TRPM7: variants seen among roughly 807,000 people sequenced by gnomAD.
TRPM7 encodes the protein transient receptor potential cation channel subfamily M member 7.
Under a neutral mutation model 229.7 loss-of-function variants are expected in TRPM7, and 134 were observed. That is an observed-to-expected ratio of 0.58 (90% CI 0.51 to 0.67). TRPM7 has a LOEUF of 0.67. Ranked by LOEUF, TRPM7 falls within the 30% of genes least tolerant of loss-of-function variation. The pLI is 0.00. For missense variants in TRPM7, 1,901 were observed against 2,210.0 expected (o/e 0.86, Z 2.80); for synonymous variants, 699 against 715.2 (o/e 0.98, Z 0.36).
In TRPM7 at chr15:50,678,515, AAAATAT is replaced by A. The variant is rs76886952; in HGVS notation, c.3+8010_3+8015del. Among the ~76,000 whole-genome samples, 412 of 82,772 alleles carry A rather than the reference AAAATAT, an allele frequency of 5.0e-3. 2 individuals are homozygous for A. The highest frequency in any genetic ancestry group is 0.016 in the African/African-American group (383 of 24,456). The allele number at this position is 82,772 out of a possible 152,430, so 54.3% of individuals were successfully genotyped here. A position where few individuals can be genotyped will look rare whatever the true frequency, so the allele number is the denominator to read the frequency against. ...CTCTAGTTCCATTCTTTAAAAAAAA[AAAATAT>A]ATATATATATATATATATATACACA... On this transcript the variant is annotated intron_variant, in intron 1 of 38. Coordinates refer to ENST00000646667, the MANE Select transcript of TRPM7 (RefSeq NM_017672.6).
At position 50,594,506 on chromosome 15, in the gene TRPM7, A is replaced by G. The variant is rs188264485; in HGVS notation, c.3398T>C (p.Ile1133Thr). ...HEKPVLPPPL[I>T]ILSHIVSLFC... is the part of the protein sequence containing the mutation. ...CAGAGAAACTATATGGCTAAGAATG[A>G]TAAGTGGAGGAGGCAGAACTGGTTT... Residue 1133 changes from isoleucine (I) to threonine (T), a missense_variant, in exon 24 of 39, where the codon ATC (isoleucine) becomes ACC (threonine). Physicochemically the swap from Ile to Thr is moderately conservative, Grantham distance 89. Coordinates refer to ENST00000646667, the MANE Select transcript of TRPM7 (RefSeq NM_017672.6). 4 of 1,613,420 alleles carry G rather than the reference A, an allele frequency of 2.5e-6. No individual in the cohort carries two copies. Among genetic ancestry groups the G allele is most frequent in the South Asian group, 1.1e-5 (1 of 91,042 alleles).
At chr15:50,592,697 A>G (rs1280897988) in intron 25 of TRPM7, 71 bp from the exon 26 acceptor site, 80 of 1,090,942 alleles carry the variant, frequency 7.3e-5, no homozygotes, top group Non-Finnish European at 1.0e-4. Flanking sequence ...GTAGCCTCAA[A>G]TAATAATGAT....
Position 50,662,934 on chromosome 15 carries a change from A to G in TRPM7, c.83+33T>C. The G allele has an allele frequency of 2.0e-6, 3 of 1,483,144 alleles. No homozygotes were observed. The South Asian group carries it at 3.6e-5, about 18-fold the overall frequency. 91.9% of individuals were successfully genotyped at this position (1,483,144 alleles called of 1,614,324 possible). A position where few individuals can be genotyped will look rare whatever the true frequency, so the allele number is the denominator to read the frequency against. ...CAATATAATTTACACTAAAATTTCT[A>G]GAAGACCCCAGAAGTAACAAAGGTG... On this transcript the variant is annotated intron_variant, in intron 2 of 38. Transcript: ENST00000646667.
At chr15:50,677,909 T>G (rs2062132611) in intron 1 of TRPM7, among the ~76,000 whole-genome samples, 1 of 151,612 alleles carries the variant, frequency 6.6e-6, no homozygotes. Context: ...CTAATAAAGT[T>G]CATGTGCTCA....
intron 1 of TRPM7, among the ~76,000 whole-genome samples, chr15:50,676,748 A>C (rs1348722330): frequency 6.6e-6 from 1 of 152,138 alleles, no homozygotes; most frequent in Non-Finnish European, 1.5e-5. Flanking sequence ...AAATATCAAT[A>C]GAAATCCCAC....
At chr15:50,627,821 G>A (rs554067458) in intron 11 of TRPM7, among the ~76,000 whole-genome samples, 2 of 152,294 alleles carry the variant, frequency 1.3e-5, no homozygotes, top group South Asian at 4.1e-4. Context: ...TTCCCATTTA[G>A]TAGGATGAGG....
chr15:50,626,713 A>AT (rs971537060), intron 11 of TRPM7, among the ~76,000 whole-genome samples: 1 of 151,986 alleles, frequency 6.6e-6, no homozygotes, highest in Admixed American at 6.6e-5. Context: ...ATTAACATTA[A>AT]TTTTTTTCCT....
At chr15:50,597,699 T>A (rs147802190) in intron 22 of TRPM7, among the ~76,000 whole-genome samples, 2 of 152,112 alleles carry the variant, frequency 1.3e-5, no homozygotes, top group East Asian at 3.9e-4. Flanking sequence ...TCACTTGAGG[T>A]CAGGAGTTCA....
chr15:50,684,549 G>C (rs1036465675), intron 1 of TRPM7, among the ~76,000 whole-genome samples: 3 of 151,998 alleles, frequency 2.0e-5, no homozygotes, highest in African/African-American at 7.2e-5. Flanking sequence ...GCTGAGGCAG[G>C]AGAATCACTT....
intron 2 of TRPM7, among the ~76,000 whole-genome samples, chr15:50,662,419 T>C (rs1015057502): frequency 6.6e-6 from 1 of 152,156 alleles, no homozygotes; most frequent in Non-Finnish European, 1.5e-5. Context: ...ACTAAGTTAA[T>C]GTCCTTTAAT....
chr15:50,604,368 T>A (rs556464009), intron 21 of TRPM7: 3 of 151,932 alleles, frequency 2.0e-5, no homozygotes, highest in Non-Finnish European at 4.4e-5. Context: ...AGGTCAGGAG[T>A]TTGGGACCAG....
chr15:50,661,241 C>A (rs2061714299), intron 2 of TRPM7, among the ~76,000 whole-genome samples: 1 of 152,102 alleles, frequency 6.6e-6, no homozygotes, highest in African/African-American at 2.4e-5. Flanking sequence ...TCCCAAAGTG[C>A]TGGGATTACA....
chr15:50,620,376 A>T (rs749043538), intron 12 of TRPM7, among the ~76,000 whole-genome samples: 3 of 151,654 alleles, frequency 2.0e-5, no homozygotes, highest in Non-Finnish European at 2.9e-5. Context: ...GCCCAAGACA[A>T]TTTTTCTTCC....
intron 28 of TRPM7, among the ~76,000 whole-genome samples, chr15:50,584,586 T>C (rs1225460807): frequency 6.6e-6 from 1 of 151,850 alleles, no homozygotes; most frequent in African/African-American, 2.4e-5. Context: ...TTACTAGAAA[T>C]GCTTGGGATC....
chr15:50,628,623 TC>T (rs2060636338), intron 10 of TRPM7, among the ~76,000 whole-genome samples: 1 of 152,064 alleles, frequency 6.6e-6, no homozygotes, highest in Non-Finnish European at 1.5e-5. Flanking sequence ...TTATGACATC[TC>T]CCCACCATTC....
rs1225621612 is a variant in TRPM7, at chr15:50,686,764, C to T, written c.-231G>A. On this transcript the variant is annotated 5_prime_UTR_variant, in exon 1 of 39. Coordinates refer to ENST00000646667, the MANE Select transcript of TRPM7 (RefSeq NM_017672.6). ...GGGTGACTGGCCACAGGGACGCGCC[C>T]GCGCCCGCCTCCGCCGGCGACGGGG... The T allele has an allele frequency of 4.1e-6, 2 of 486,608 alleles. No individual in the cohort carries two copies. The highest frequency in any genetic ancestry group is 6.9e-6 in the Non-Finnish European group (2 of 288,778). The allele number at this position is 486,608 out of a possible 1,614,324, so 30.1% of individuals were successfully genotyped here.
At chr15:50,575,444 G>A (rs1312884653) in intron 33 of TRPM7, among the ~76,000 whole-genome samples, 4 of 152,156 alleles carry the variant, frequency 2.6e-5, no homozygotes, top group Admixed American at 1.3e-4. Flanking sequence ...CATGGACACT[G>A]TGATGTCAGT....
At chr15:50,678,517 A>ATATAT (rs1555435942) in intron 1 of TRPM7, among the ~76,000 whole-genome samples, 7 of 132,720 alleles carry the variant, frequency 5.3e-5, no homozygotes, top group African/African-American at 2.0e-4. Flanking sequence ...AAAAAAAAAA[A>ATATAT]ATATATATAT....
Position 50,612,584 on chromosome 15 carries a change from T to A in TRPM7, c.2016A>T (p.Val672=). The change falls in exon 16 of 39, where the codon GTA becomes GTT. Residue 672 remains valine, a synonymous_variant. Transcript: ENST00000646667. Reference sequence around the variant, plus strand: ...GTTTTAGTTCTTCTGAAGTATCATCTACCAGGTCACTCTGCTTTGCTTCAT... The same window carrying A: ...GTTTTAGTTCTTCTGAAGTATCATCAACCAGGTCACTCTGCTTTGCTTCAT... The part of the protein sequence containing the change: ...MAYEAKQSDL[V]DDTSEELKQY... The A allele has an allele frequency of 6.2e-7, 1 of 1,613,798 alleles. No individual in the cohort carries two copies. The highest frequency in any genetic ancestry group is 8.5e-7 in the Non-Finnish European group (1 of 1,179,776).
Sources: allele counts gnomAD v4.1 joint callset (sites outside exome capture counted in the v4.1 genomes callset), GRCh38; gene constraint gnomAD v4.1.1; transcripts MANE v1.5; gene names NCBI Gene and HGNC (gene_info 2026-07-23, HGNC 2026-07-21).